PDE3A: variants seen among roughly 807,000 people sequenced by gnomAD.
PDE3A encodes cGMP-inhibited 3',5'-cyclic phosphodiesterase 3A.
In PDE3A, 43 loss-of-function variants were observed where a neutral mutation model predicts 98.3. That is an observed-to-expected ratio of 0.44 (90% CI 0.34 to 0.56). The LOEUF (loss-of-function observed/expected upper bound fraction) is 0.56, where lower values mean the gene tolerates loss of function less well. Ranked by LOEUF, PDE3A falls within the 20% of genes least tolerant of loss-of-function variation. The pLI is 0.01. For synonymous variants in PDE3A, 663 were observed against 567.9 expected (o/e 1.17, Z -2.38); for missense variants, 1,427 against 1,440.7 (o/e 0.99, Z 0.15).
At chr12:20,432,852 C>A (rs1944720048) in intron 1 of PDE3A, among the ~76,000 whole-genome samples, 1 of 152,014 alleles carries the variant, frequency 6.6e-6, no homozygotes, top group South Asian at 2.1e-4. Flanking sequence ...CAAAATGTAT[C>A]TTTCAGTATG....
intron 2 of PDE3A, among the ~76,000 whole-genome samples, chr12:20,565,969 C>A (rs1942644946): frequency 6.6e-6 from 1 of 151,824 alleles, no homozygotes; most frequent in Non-Finnish European, 1.5e-5. Context: ...CTTGGGAGAA[C>A]AAAGGTGGTT....
At chr12:20,453,285 T>G (rs559643312) in intron 1 of PDE3A, among the ~76,000 whole-genome samples, 1 of 152,012 alleles carries the variant, frequency 6.6e-6, no homozygotes, top group African/African-American at 2.4e-5. Context: ...GCAGTTCTCT[T>G]GCCTCAGCCT....
intron 1 of PDE3A, among the ~76,000 whole-genome samples, chr12:20,528,158 T>C (rs1450454813): frequency 6.6e-6 from 1 of 152,214 alleles, no homozygotes; most frequent in Non-Finnish European, 1.5e-5. Flanking sequence ...GTAGTTGTTC[T>C]CAGTTGCTAA....
chr12:20,455,663 A>G (rs1293798287), intron 1 of PDE3A, among the ~76,000 whole-genome samples: 1 of 152,200 alleles, frequency 6.6e-6, no homozygotes, highest in Non-Finnish European at 1.5e-5. Flanking sequence ...TCATGTCTCT[A>G]TGTTTATTCT....
intron 2 of PDE3A, among the ~76,000 whole-genome samples, chr12:20,561,450 TG>T (rs1325305398): frequency 6.6e-6 from 1 of 152,186 alleles, no homozygotes; most frequent in East Asian, 1.9e-4. Context: ...GGAACTTGCT[TG>T]ATTCCTGCCC....
At position 20,369,310 on chromosome 12, in the gene PDE3A, G is replaced by A. The variant is rs575652548; in HGVS notation, c.26G>A (p.Arg9Gln). Residue 9 changes from arginine (R) to glutamine (Q), a missense_variant, in exon 1 of 16, where the codon CGA (arginine) becomes CAA (glutamine). Physicochemically the swap from Arg to Gln is conservative, Grantham distance 43. This residue lies in a region of PDE3A where 1,012 missense variants were observed against 886.5 expected (regional missense o/e 1.14). Coordinates refer to ENST00000359062, the MANE Select transcript of PDE3A (RefSeq NM_000921.5). MAVPGDAA[R>Q]VRDKPVHSGV... ...ATGGCAGTGCCCGGCGACGCTGCAC[G>A]AGTCAGGGACAAGCCCGTCCACAGT... The A allele has an allele frequency of 2.6e-6, 4 of 1,532,412 alleles. No homozygotes were observed. In the South Asian group the frequency reaches 3.6e-5, roughly 14 times the overall value. The allele number at this position is 1,532,412 out of a possible 1,614,324, so 94.9% of individuals were successfully genotyped here. A position where few individuals can be genotyped will look rare whatever the true frequency, so the allele number is the denominator to read the frequency against.
intron 1 of PDE3A, among the ~76,000 whole-genome samples, chr12:20,387,038 C>T (rs949538594): frequency 2.0e-5 from 3 of 151,988 alleles, no homozygotes; most frequent in African/African-American, 4.8e-5. Flanking sequence ...GAATCCTTTG[C>T]CCATTGCTTG....
chr12:20,538,160 G>C (rs1941799122), intron 1 of PDE3A, among the ~76,000 whole-genome samples: 1 of 151,992 alleles, frequency 6.6e-6, no homozygotes, highest in Admixed American at 6.6e-5. Flanking sequence ...TACCATTATT[G>C]CTACTATTCC....
At chr12:20,476,871 A>G (rs1436509288) in intron 1 of PDE3A, among the ~76,000 whole-genome samples, 5 of 152,224 alleles carry the variant, frequency 3.3e-5, no homozygotes, top group African/African-American at 9.6e-5. Context: ...TATACATTGA[A>G]AATTATTAAG....
chr12:20,581,217 T>C (rs1202123104), intron 2 of PDE3A, among the ~76,000 whole-genome samples: 1 of 152,236 alleles, frequency 6.6e-6, no homozygotes, highest in Non-Finnish European at 1.5e-5. Flanking sequence ...ATATGACGAA[T>C]GCATTAAATT....
Position 20,635,037 on chromosome 12 carries a change from C to T in PDE3A, c.1982C>T (p.Pro661Leu). Residue 661 changes from proline to leucine, a missense_variant, in exon 8 of 16, where the codon CCT (proline) becomes CTT (leucine). By Grantham distance (98) the Pro-to-Leu change is moderately conservative (BLOSUM62 -3). This residue lies in a region of PDE3A where 1,012 missense variants were observed against 886.5 expected (regional missense o/e 1.14). Transcript: ENST00000359062. ...GCATCGGCTTGCAGCACCTATGCTC[C>T]TGAGACCATGATGTTTCTGGTAGTC... Reference protein sequence around the residue: ...RKASACSTYAPETMMFLDKPI... With the variant: ...RKASACSTYALETMMFLDKPI... 1 of 1,612,900 alleles carries T rather than the reference C, an allele frequency of 6.2e-7. No individual in the cohort carries two copies. Among genetic ancestry groups the T allele is most frequent in the Non-Finnish European group, 8.5e-7 (1 of 1,179,540 alleles).
intron 1 of PDE3A, among the ~76,000 whole-genome samples, chr12:20,555,470 A>G (rs1036898587): frequency 1.3e-5 from 2 of 152,144 alleles, no homozygotes; most frequent in African/African-American, 2.4e-5. Flanking sequence ...CCGAAAATCT[A>G]CCCTCTTAGC....
chr12:20,468,684 T>C (rs866316140), intron 1 of PDE3A, among the ~76,000 whole-genome samples: 1 of 152,190 alleles, frequency 6.6e-6, no homozygotes, highest in Non-Finnish European at 1.5e-5. Context: ...CTGTGGTTAT[T>C]GTGACTTTTA....
chr12:20,612,955 C>T (rs560694677), intron 2 of PDE3A, among the ~76,000 whole-genome samples: 171 of 151,666 alleles, frequency 1.1e-3, no homozygotes, highest in African/African-American at 3.8e-3. Context: ...GTGTCTATCT[C>T]GAATAACATT....
At chr12:20,499,419 G>A (rs1012923671) in intron 1 of PDE3A, among the ~76,000 whole-genome samples, 2 of 152,102 alleles carry the variant, frequency 1.3e-5, no homozygotes, top group Non-Finnish European at 2.9e-5. Context: ...GATTGTGCCC[G>A]AGGTTGTTCC....
intron 1 of PDE3A, among the ~76,000 whole-genome samples, chr12:20,434,609 T>C (rs1338306203): frequency 2.0e-5 from 3 of 152,194 alleles, no homozygotes; most frequent in African/African-American, 7.2e-5. Context: ...AGCAGATACA[T>C]ATAAAATCAT....
At chr12:20,393,458 G>A (rs1314188452) in intron 1 of PDE3A, among the ~76,000 whole-genome samples, 1 of 151,942 alleles carries the variant, frequency 6.6e-6, no homozygotes, top group African/African-American at 2.4e-5. Flanking sequence ...AATTATGGGA[G>A]GTACAATTCA....
At chr12:20,430,557 GGGTGCATTATTTTCCTATTGAA>G (rs1172258243) in intron 1 of PDE3A, among the ~76,000 whole-genome samples, 5 of 152,076 alleles carry the variant, frequency 3.3e-5, no homozygotes, top group African/African-American at 1.2e-4. Flanking sequence ...TTTGGGGGCA[GGGTGCATTATTTTCCTATTGAA>G]GAACAAAATG....
chr12:20,630,086 C>T lies in PDE3A; in HGVS notation c.1719C>T (p.Asp573=). 6.2e-7 allele frequency: 1 copy of T among 1,613,740 alleles called. No homozygotes were observed. Among genetic ancestry groups the T allele is most frequent in the Non-Finnish European group, 8.5e-7 (1 of 1,179,722 alleles). Residue 573 remains aspartate (D), a synonymous_variant, in exon 6 of 16, where the codon GAC becomes GAT. Coordinates refer to ENST00000359062, the MANE Select transcript of PDE3A (RefSeq NM_000921.5). The part of the protein sequence containing the change: ...RALTYTQSAP[D]LSPQILTPPV... ...TAACTTACACTCAGAGTGCCCCAGA[C>T]CTATCCCCTCAAATCCTGACTCCAC...
Sources: gnomAD v4.1 joint callset for allele counts (sites outside exome capture counted in the v4.1 genomes callset) on GRCh38, gnomAD v4.1.1 for gene constraint, gnomAD v4.1.1 regional missense constraint, MANE v1.5 for transcripts, NCBI Gene and HGNC (gene_info 2026-07-23, HGNC 2026-07-21) for gene names.